Variants in IQCM observed in about 807,000 individuals in gnomAD.
IQCM encodes the protein IQ motif containing M.
Under a neutral mutation model 57.6 loss-of-function variants are expected in IQCM, and 45 were observed. That is an observed-to-expected ratio of 0.78 (90% CI 0.62 to 1.00). The LOEUF is 1.00. Ranked by LOEUF, IQCM falls within the 50% of genes least tolerant of loss-of-function variation. The probability of loss-of-function intolerance (pLI) is 0.00; values close to 1 mark genes in which losing one functional copy is unlikely to be tolerated. For synonymous variants in IQCM, 148 were observed against 158.9 expected (o/e 0.93, Z 0.51); for missense variants, 468 against 511.6 (o/e 0.91, Z 0.82).
intron 4 of IQCM, among the ~76,000 whole-genome samples, 163 bp downstream of exon 4, chr4:149,735,213 G>A (rs1460816736): frequency 6.6e-6 from 1 of 152,008 alleles, no homozygotes; most frequent in East Asian, 1.9e-4. Context: ...AATGTCATTT[G>A]AAATCAATTT....
At chr4:149,685,535 T>G (rs895980134) in intron 6 of IQCM, among the ~76,000 whole-genome samples, 2 of 151,538 alleles carry the variant, frequency 1.3e-5, no homozygotes, top group Admixed American at 6.6e-5. Flanking sequence ...ACCCTGAGCA[T>G]GGATCTTCTA....
At chr4:149,664,396 C>A (rs1176882979) in intron 7 of IQCM, among the ~76,000 whole-genome samples, 2 of 152,058 alleles carry the variant, frequency 1.3e-5, no homozygotes, top group East Asian at 3.9e-4. Context: ...ACATTGATAT[C>A]TGTGCATCCA....
chr4:149,389,717 GGC>G (rs1731707401), intron 13 of IQCM, among the ~76,000 whole-genome samples: 1 of 136,198 alleles, frequency 7.3e-6, no homozygotes, highest in African/African-American at 2.7e-5. Flanking sequence ...GTGGGTTGGG[GGC>G]GGGGGGAGGG....
At chr4:149,455,704 C>T (rs577779040) in intron 12 of IQCM, among the ~76,000 whole-genome samples, 3 of 152,152 alleles carry the variant, frequency 2.0e-5, no homozygotes, top group East Asian at 1.9e-4. Context: ...GGTGTCTCAC[C>T]CCTGTAATCC....
At chr4:149,750,771 G>T (rs559728377) in intron 2 of IQCM, among the ~76,000 whole-genome samples, 4 of 151,986 alleles carry the variant, frequency 2.6e-5, no homozygotes, top group Admixed American at 6.6e-5. Flanking sequence ...GAGATGTTTG[G>T]GACACTATGT....
At chr4:149,808,746 T>C (rs1774302623) in intron 2 of IQCM, among the ~76,000 whole-genome samples, 1 of 152,146 alleles carries the variant, frequency 6.6e-6, no homozygotes, top group South Asian at 2.1e-4. Flanking sequence ...GAGAGGAATC[T>C]TGATGAAGTG....
chr4:149,549,572 T>C (rs915213063), intron 11 of IQCM, among the ~76,000 whole-genome samples: 4 of 145,142 alleles, frequency 2.8e-5, no homozygotes, highest in African/African-American at 1.0e-4. Context: ...CCATAAATAA[T>C]TTCTTTTTTT....
intron 2 of IQCM, among the ~76,000 whole-genome samples, chr4:149,798,651 AAGAT>A (rs1290740110): frequency 3.9e-5 from 6 of 152,080 alleles, no homozygotes; most frequent in Non-Finnish European, 5.9e-5. Flanking sequence ...GGGATGGAAA[AAGAT>A]AGTCCATTCC....
At chr4:149,510,693 A>G (rs1198437225) in intron 12 of IQCM, among the ~76,000 whole-genome samples, 1 of 152,134 alleles carries the variant, frequency 6.6e-6, no homozygotes, top group Non-Finnish European at 1.5e-5. Context: ...TGATCTTTAC[A>G]GTTCTGAGGA....
intron 7 of IQCM, among the ~76,000 whole-genome samples, chr4:149,626,147 GCA>G (rs987141955): frequency 2.0e-5 from 3 of 151,768 alleles, no homozygotes; most frequent in African/African-American, 7.3e-5. Flanking sequence ...GCCTGGGTGG[GCA>G]CAGTCTAATC....
chr4:149,400,931 A>T (rs1578932231), intron 13 of IQCM, among the ~76,000 whole-genome samples: 2 of 151,968 alleles, frequency 1.3e-5, no homozygotes, highest in Admixed American at 6.6e-5. Flanking sequence ...GTGCCCTGTC[A>T]TATGCTATTG....
intron 8 of IQCM, among the ~76,000 whole-genome samples, chr4:149,616,705 G>A (rs1436528652): frequency 6.6e-6 from 1 of 151,960 alleles, no homozygotes; most frequent in Non-Finnish European, 1.5e-5. Flanking sequence ...ACAGGGAGGG[G>A]AACAACACAC....
chr4:149,705,110 G>A (rs1050742451), intron 5 of IQCM, among the ~76,000 whole-genome samples: 1 of 148,060 alleles, frequency 6.8e-6, no homozygotes, highest in Admixed American at 6.8e-5. Context: ...ACATGCTAAT[G>A]ATATAATTCC....
chr4:149,388,538 T>TAATA (rs1468678109), intron 13 of IQCM, among the ~76,000 whole-genome samples: 1 of 134,132 alleles, frequency 7.5e-6, no homozygotes, highest in Non-Finnish European at 1.6e-5. Flanking sequence ...ATATTATATA[T>TAATA]TATATATAAT....
At chr4:149,362,304 G>A (rs1252412521) in intron 13 of IQCM, among the ~76,000 whole-genome samples, 1 of 152,102 alleles carries the variant, frequency 6.6e-6, no homozygotes, top group Non-Finnish European at 1.5e-5. Flanking sequence ...TCAGAGGACT[G>A]TTGGGAGGGC....
intron 13 of IQCM, among the ~76,000 whole-genome samples, chr4:149,390,335 G>C (rs1179982789): frequency 1.3e-5 from 2 of 151,610 alleles, no homozygotes; most frequent in Admixed American, 1.3e-4. Context: ...TCATTTAACA[G>C]TAGGATTTTC....
intron 8 of IQCM, among the ~76,000 whole-genome samples, chr4:149,615,264 G>T (rs1755686269): frequency 6.6e-6 from 1 of 152,002 alleles, no homozygotes; most frequent in Admixed American, 6.6e-5. Context: ...TGGAGATGGT[G>T]ATCTTTCCTA....
intron 7 of IQCM, among the ~76,000 whole-genome samples, chr4:149,662,951 G>C (rs1038584097): frequency 6.6e-6 from 1 of 151,666 alleles, no homozygotes; most frequent in Non-Finnish European, 1.5e-5. Flanking sequence ...TTTGTTCCTT[G>C]TTTTCTGATT....
At position 149,538,878 on chromosome 4, in the gene IQCM, A is replaced by G. The variant is rs183563063; in HGVS notation, c.1228+9577T>C. ...AATGCCATTAAGAAAATAAAAATAT[A>G]TTCCACAGCCTGGGGAAAAAAAATG... On this transcript the variant is annotated intron_variant, in intron 12 of 13. Coordinates refer to ENST00000636793, the MANE Select transcript of IQCM (RefSeq NM_001363507.2). 3.5e-3 allele frequency among the ~76,000 whole-genome samples: 538 copies of G among 152,126 alleles called. 8 individuals carry two copies. The highest frequency in any genetic ancestry group is 0.012 in the African/African-American group (479 of 41,560).
Sources: allele counts gnomAD v4.1 joint callset (sites outside exome capture counted in the v4.1 genomes callset), GRCh38; gene constraint gnomAD v4.1.1; transcripts MANE v1.5; gene names NCBI Gene and HGNC (gene_info 2026-07-23, HGNC 2026-07-21).